THEMIS: variants seen among roughly 807,000 people sequenced by gnomAD.
The protein encoded by THEMIS is thymocyte selection associated.
THEMIS carries 37 observed loss-of-function variants against 52.6 expected under a neutral mutation model. That is an observed-to-expected ratio of 0.70 (90% CI 0.54 to 0.93). The LOEUF is 0.93. Among genes scored for constraint, THEMIS ranks in the 40% least tolerant of loss-of-function variants. The pLI is 0.00. For missense variants in THEMIS, 808 were observed against 763.1 expected (o/e 1.06, Z -0.69); for synonymous variants, 292 against 272.7 (o/e 1.07, Z -0.70).
intron 4 of THEMIS, among the ~76,000 whole-genome samples, chr6:127,774,591 G>A (rs1448993411): frequency 2.0e-5 from 3 of 152,188 alleles, no homozygotes; most frequent in Non-Finnish European, 1.5e-5. Flanking sequence ...GCAAATCACA[G>A]AGATAGCACA....
chr6:127,734,356 T>C (rs140261904), intron 4 of THEMIS, among the ~76,000 whole-genome samples: 1 of 152,302 alleles, frequency 6.6e-6, no homozygotes, highest in African/African-American at 2.4e-5. Context: ...ATTTGTTTTG[T>C]TTTGTTTTCC....
downstream of THEMIS, among the ~76,000 whole-genome samples, chr6:127,705,266 A>G (rs1318101487): frequency 6.6e-6 from 1 of 152,248 alleles, no homozygotes; most frequent in Admixed American, 6.5e-5. Flanking sequence ...TATAAAATCA[A>G]TTAGACATGT....
At chr6:127,728,935 C>T (rs1304817785) in intron 4 of THEMIS, among the ~76,000 whole-genome samples, 1 of 152,122 alleles carries the variant, frequency 6.6e-6, no homozygotes, top group Non-Finnish European at 1.5e-5. Flanking sequence ...GAATTAAAAA[C>T]ATCTTTTTAT....
intron 2 of THEMIS, among the ~76,000 whole-genome samples, chr6:127,840,161 C>T (rs570112027): frequency 6.6e-6 from 1 of 152,016 alleles, no homozygotes; most frequent in Non-Finnish European, 1.5e-5. Context: ...TGTATCAGAT[C>T]TTTAAAAACA....
At chr6:127,749,880 T>A (rs113604239) in intron 4 of THEMIS, among the ~76,000 whole-genome samples, 1 of 151,046 alleles carries the variant, frequency 6.6e-6, no homozygotes, top group South Asian at 2.1e-4. Flanking sequence ...TTTTATAGAA[T>A]ATAGGAGTAG....
At chr6:127,826,032 G>A (rs892051509) in intron 3 of THEMIS, among the ~76,000 whole-genome samples, 1 of 152,178 alleles carries the variant, frequency 6.6e-6, no homozygotes, top group Non-Finnish European at 1.5e-5. Flanking sequence ...TAGGGAAGGG[G>A]AAGTAGGAAT....
chr6:127,812,290 C>T (rs1380561233), intron 4 of THEMIS, among the ~76,000 whole-genome samples: 4 of 152,152 alleles, frequency 2.6e-5, no homozygotes, highest in Admixed American at 6.5e-5. Context: ...TTCATACTGT[C>T]TCCAATTTTA....
intron 2 of THEMIS, among the ~76,000 whole-genome samples, chr6:127,849,267 T>G (rs1779335318): frequency 6.6e-6 from 1 of 152,000 alleles, no homozygotes; most frequent in Non-Finnish European, 1.5e-5. Context: ...AAGGCTCTGT[T>G]CCGTTCCATT....
At chr6:127,855,005 G>T in intron 2 of THEMIS, 25 bp downstream of exon 2, 2 of 1,571,744 alleles carry the variant, frequency 1.3e-6, no homozygotes, top group South Asian at 1.2e-5. Flanking sequence ...TTGTACAAAT[G>T]ATAAGTGGTT....
At chr6:127,825,896 T>C (rs912843043) in intron 3 of THEMIS, among the ~76,000 whole-genome samples, 1 of 152,136 alleles carries the variant, frequency 6.6e-6, no homozygotes, top group African/African-American at 2.4e-5. Flanking sequence ...GATAAGGTCG[T>C]CATCGCAGAA....
downstream of THEMIS, among the ~76,000 whole-genome samples, chr6:127,704,167 G>T (rs1773769878): frequency 6.6e-6 from 1 of 152,162 alleles, no homozygotes; most frequent in Non-Finnish European, 1.5e-5. Flanking sequence ...ACCATAGCAT[G>T]TCCTTTACAC....
At chr6:127,701,613 C>T in the THEMIS span, among the ~76,000 whole-genome samples, 3 of 152,076 alleles carry the variant, frequency 2.0e-5, no homozygotes, top group Non-Finnish European at 4.4e-5. Flanking sequence ...GGAGACAGTG[C>T]CAAACAGTTT....
chr6:127,829,184 T>G (rs979585559), intron 3 of THEMIS, among the ~76,000 whole-genome samples: 1 of 152,228 alleles, frequency 6.6e-6, no homozygotes, highest in Non-Finnish European at 1.5e-5. Context: ...CTAGTCATAT[T>G]TAACTGGCAG....
chr6:127,737,166 A>G lies in THEMIS; in HGVS notation c.1759-17343T>C, dbSNP rs192418034. 5.3e-5 allele frequency among the ~76,000 whole-genome samples: 8 copies of G among 152,210 alleles called. 1 individual carries two copies. The highest frequency in any genetic ancestry group is 3.9e-4 in the East Asian group (2 of 5,186). ...GGCAACTACCTTTCAGAGTGTAGCT[A>G]CTCCTGGCTGAGGAAGCAGTGTCAT... is the stretch of plus-strand genomic sequence containing the variant. On this transcript the variant is annotated intron_variant, in intron 4 of 5. Coordinates refer to ENST00000368248, the MANE Select transcript of THEMIS (RefSeq NM_001010923.3).
chr6:127,866,769 T>C (rs1433725292), intron 1 of THEMIS, among the ~76,000 whole-genome samples: 1 of 151,730 alleles, frequency 6.6e-6, no homozygotes, highest in East Asian at 1.9e-4. Context: ...TCAAAAGATA[T>C]ACACACAAAG....
chr6:127,892,656 G>A (rs1402574234), intron 1 of THEMIS, among the ~76,000 whole-genome samples: 1 of 151,774 alleles, frequency 6.6e-6, no homozygotes, highest in Admixed American at 6.6e-5. Context: ...TCATTATTTT[G>A]CTTTTTGTAA....
chr6:127,826,593 C>G (rs1332569691), intron 3 of THEMIS, among the ~76,000 whole-genome samples: 1 of 152,170 alleles, frequency 6.6e-6, no homozygotes, highest in Non-Finnish European at 1.5e-5. Context: ...AATTATCAAT[C>G]TATATGTCAA....
At position 127,757,851 on chromosome 6, in the gene THEMIS, T is replaced by C. The variant is rs565680997; in HGVS notation, c.1759-38028A>G. Among the ~76,000 whole-genome samples, 5 of 152,140 alleles carry C rather than the reference T, an allele frequency of 3.3e-5. No individual in the cohort carries two copies. The South Asian group carries it at 1.0e-3, about 32-fold the overall frequency. On this transcript the variant is annotated intron_variant, in intron 4 of 5. Transcript: ENST00000368248. ...TCTAATATCAGTATAGCTAAGAATA[T>C]TATCTTCAGGAATTACCTGGTAGAG...
intron 1 of THEMIS, among the ~76,000 whole-genome samples, chr6:127,877,119 T>C (rs1440478736): frequency 6.6e-6 from 1 of 152,174 alleles, no homozygotes; most frequent in East Asian, 1.9e-4. Flanking sequence ...ATCCTCTGAG[T>C]CTTCAGAGAG....
Sources: gnomAD v4.1 joint callset for allele counts (sites outside exome capture counted in the v4.1 genomes callset) on GRCh38, gnomAD v4.1.1 for gene constraint, MANE v1.5 for transcripts, NCBI Gene and HGNC (gene_info 2026-07-23, HGNC 2026-07-21) for gene names.